The following DOCK2 variants were observed in gnomAD, a reference collection of about 807,000 sequenced individuals.
DOCK2 encodes dedicator of cytokinesis protein 2.
DOCK2 carries 87 observed loss-of-function variants against 248.9 expected under a neutral mutation model. The ratio of observed to expected loss-of-function variants is 0.35; its 90% CI spans 0.29 to 0.42. The LOEUF is 0.42. Among genes scored for constraint, DOCK2 ranks in the 10% least tolerant of loss-of-function variants. The pLI is 1.00. For missense variants in DOCK2, 1,747 were observed against 2,300.2 expected (o/e 0.76, Z 4.92); for synonymous variants, 805 against 821.6 (o/e 0.98, Z 0.35).
At position 169,764,604 on chromosome 5, in the gene DOCK2, G is replaced by A. The variant is rs899463655; in HGVS notation, c.2554+2979G>A. On this transcript the variant is annotated intron_variant, in intron 25 of 51. Transcript: ENST00000520908. This position sits in a 1 kb window ranked among gnomAD's most constrained non-coding sequence, Gnocchi z 4.3. ...TTTAAAGTACTTGACACAGCACTGGGCTCAGCATAATGTTTCATACTAAAC... is the reference window on the plus strand; with the variant it reads ...TTTAAAGTACTTGACACAGCACTGGACTCAGCATAATGTTTCATACTAAAC... 1.3e-5 allele frequency among the ~76,000 whole-genome samples: 2 copies of A among 152,190 alleles called. No individual in the cohort carries two copies. The highest frequency in any genetic ancestry group is 1.3e-4 in the Admixed American group (2 of 15,274).
intron 27 of DOCK2, among the ~76,000 whole-genome samples, chr5:169,959,605 T>C (rs934216943): frequency 5.9e-5 from 9 of 152,178 alleles, no homozygotes; most frequent in Non-Finnish European, 2.9e-5. Context: ...GAATCTTTTA[T>C]TGGGAATGCT....
Position 169,831,719 on chromosome 5 carries a change from GC to G in DOCK2, c.2704-9036del, listed in dbSNP as rs760690404. ...CTGTAAAATACTTAGAAAAGTACAT[GC>G]CACATATTAAAAACTCAAAAGATAT... On this transcript the variant is annotated intron_variant, in intron 26 of 51. Transcript: ENST00000520908. Among the ~76,000 whole-genome samples the G allele has an allele frequency of 3.9e-5, 6 of 152,298 alleles. No individual in the cohort carries two copies. The East Asian group carries it at 9.6e-4, about 24-fold the overall frequency.
chr5:169,879,520 ATGAGGGATATATGCATACAAT>A (rs1267485505), intron 27 of DOCK2, among the ~76,000 whole-genome samples: 1 of 152,174 alleles, frequency 6.6e-6, no homozygotes, highest in African/African-American at 2.4e-5. Flanking sequence ...TTGAATGGTA[ATGAGGGATATATGCATACAAT>A]TGCTGTTCTT....
intron 36 of DOCK2, among the ~76,000 whole-genome samples, chr5:170,037,836 T>C (rs1756374478): frequency 6.6e-6 from 1 of 152,172 alleles, no homozygotes. Context: ...CTTATGAGGC[T>C]GGAGCCCTTG....
intron 1 of DOCK2, among the ~76,000 whole-genome samples, chr5:169,645,553 C>T (rs1175945550): frequency 3.3e-5 from 5 of 152,172 alleles, no homozygotes; most frequent in Non-Finnish European, 7.4e-5. Flanking sequence ...CAAAAATTTT[C>T]TCCCATTCTG....
chr5:169,670,604 GC>G lies in DOCK2; in HGVS notation c.224+9del. 3.7e-6 allele frequency: 6 copies of G among 1,613,818 alleles called. No homozygotes were observed. The highest frequency in any genetic ancestry group is 5.1e-6 in the Non-Finnish European group (6 of 1,179,914). On this transcript the variant is annotated splice_region_variant and intron_variant, in intron 4 of 51. Coordinates refer to ENST00000520908, the MANE Select transcript of DOCK2 (RefSeq NM_004946.3). ...TGACAGTTGAGAAAAGAAGGTATTT[GC>G]CATTCTTCACCAGACTTGAGCCTCC...
intron 1 of DOCK2, 90 bp from the exon 2 acceptor site, chr5:169,654,313 G>T: frequency 6.9e-7 from 1 of 1,454,548 alleles, no homozygotes; most frequent in Non-Finnish European, 9.5e-7. Flanking sequence ...GCGTGGGCAT[G>T]GGATGGACTT....
At chr5:169,839,470 G>T (rs1769804711) in intron 26 of DOCK2, among the ~76,000 whole-genome samples, 1 of 152,180 alleles carries the variant, frequency 6.6e-6, no homozygotes, top group Non-Finnish European at 1.5e-5. Context: ...CTGAAGTTAA[G>T]ATTCCTAGGC....
chr5:169,950,618 A>T (rs1466318467), intron 27 of DOCK2, among the ~76,000 whole-genome samples: 1 of 152,194 alleles, frequency 6.6e-6, no homozygotes, highest in Non-Finnish European at 1.5e-5. Context: ...CAGATTTTCT[A>T]TGTGACAGGA....
intron 49 of DOCK2, chr5:170,079,363 G>A: frequency 1.8e-6 from 1 of 556,462 alleles, no homozygotes; most frequent in Non-Finnish European, 3.1e-6. Flanking sequence ...TGGGAGTTGA[G>A]CCCTGACCTT....
At chr5:169,821,960 G>C (rs998944215) in intron 26 of DOCK2, among the ~76,000 whole-genome samples, 3 of 152,052 alleles carry the variant, frequency 2.0e-5, no homozygotes, top group Admixed American at 6.6e-5. Flanking sequence ...AAAGGCAGAG[G>C]TTGCAATCCT....
intron 1 of DOCK2, among the ~76,000 whole-genome samples, chr5:169,643,289 T>C (rs1757251186): frequency 6.6e-6 from 1 of 152,196 alleles, no homozygotes; most frequent in Admixed American, 6.5e-5. Flanking sequence ...GGAGAAAGTA[T>C]GACCGCCAAT....
chr5:169,890,583 G>A (rs540188758), intron 27 of DOCK2, among the ~76,000 whole-genome samples: 1 of 152,154 alleles, frequency 6.6e-6, no homozygotes, highest in South Asian at 2.1e-4. Context: ...GTATATTTTG[G>A]GGGTCTGCCT....
chr5:169,839,286 GC>G, intron 26 of DOCK2, among the ~76,000 whole-genome samples: 1 of 152,294 alleles, frequency 6.6e-6, no homozygotes, highest in South Asian at 2.1e-4. Context: ...AAAATCTCCA[GC>G]AGAGGACCCA....
chr5:170,001,046 C>T (rs1462256331), intron 30 of DOCK2, among the ~76,000 whole-genome samples: 1 of 152,154 alleles, frequency 6.6e-6, no homozygotes, highest in East Asian at 1.9e-4. Flanking sequence ...ACGGTGGGCA[C>T]ATGCTTGGGT....
intron 27 of DOCK2, among the ~76,000 whole-genome samples, chr5:169,890,166 C>T (rs975135483): frequency 3.9e-5 from 6 of 152,148 alleles, no homozygotes; most frequent in African/African-American, 7.2e-5. Context: ...GTGGAGACCC[C>T]GACTCTTCCT....
chr5:169,648,215 T>C (rs1042835013), intron 1 of DOCK2, among the ~76,000 whole-genome samples: 1 of 152,162 alleles, frequency 6.6e-6, no homozygotes, highest in African/African-American at 2.4e-5. Context: ...GGGGCTGTCC[T>C]GTGCACTGTA....
At chr5:169,817,119 C>A (rs1768108844) in intron 26 of DOCK2, among the ~76,000 whole-genome samples, 1 of 152,186 alleles carries the variant, frequency 6.6e-6, no homozygotes. Context: ...CCCTGCCTTT[C>A]CTAATAGGCC....
chr5:169,784,767 G>T (rs1765896870), intron 25 of DOCK2, among the ~76,000 whole-genome samples: 1 of 152,088 alleles, frequency 6.6e-6, no homozygotes, highest in Non-Finnish European at 1.5e-5. Flanking sequence ...TCCATTTATG[G>T]CAAAGGATAC....
Sources: allele counts gnomAD v4.1 joint callset (sites outside exome capture counted in the v4.1 genomes callset), GRCh38; gene constraint gnomAD v4.1.1; non-coding constraint Gnocchi (gnomAD v3.1); transcripts MANE v1.5; gene names NCBI Gene and HGNC (gene_info 2026-07-23, HGNC 2026-07-21).